AHI1: variants seen among roughly 807,000 people sequenced by gnomAD.
AHI1 encodes the protein Abelson helper integration site 1, also known as jouberin.
A neutral mutation model predicts 149.3 loss-of-function variants in AHI1; 123 were observed. The observed-to-expected ratio is 0.82, with a 90% CI of 0.71 to 0.96. The LOEUF is 0.96. Ranked by LOEUF, AHI1 falls within the 40% of genes least tolerant of loss-of-function variation. AHI1 has a pLI of 0.00. For synonymous variants in AHI1, 475 were observed against 459.8 expected, an observed-to-expected ratio of 1.03 and a Z score of -0.42; for missense variants, 1,439 against 1,422.7, an observed-to-expected ratio of 1.01 and a Z score of -0.18.
intron 23 of AHI1, among the ~76,000 whole-genome samples, chr6:135,391,284 C>G (rs1778443132): frequency 6.6e-6 from 1 of 152,078 alleles, no homozygotes; most frequent in Admixed American, 6.6e-5. Context: ...TTTTTGGCAC[C>G]AGGGACCAGG....
In AHI1 at chr6:135,285,643, C is replaced by A; in HGVS notation, c.*2G>T. ...GGCAGCTCTTAACTTTTCTTCAATT[C>A]TTTACTGGAAAGAAAAATACACAAA... On this transcript the variant is annotated 3_prime_UTR_variant, in exon 29 of 29. Transcript: ENST00000265602. The A allele has an allele frequency of 6.2e-7, 1 of 1,606,704 alleles. No homozygotes were observed.
At chr6:135,486,285 C>T (rs75169529) in intron 5 of AHI1, among the ~76,000 whole-genome samples, 6,582 of 152,158 alleles carry the variant, frequency 0.043, 253 homozygotes, top group South Asian at 0.11. Context: ...ACATAATATA[C>T]CATGTATACT....
intron 24 of AHI1, among the ~76,000 whole-genome samples, chr6:135,333,143 A>C (rs17064430): frequency 0.013 from 2,011 of 152,316 alleles, 45 homozygotes; most frequent in African/African-American, 0.046. Context: ...TGGTACAATT[A>C]TTACCATTTA....
intron 8 of AHI1, among the ~76,000 whole-genome samples, chr6:135,462,553 C>T (rs577150690): frequency 6.6e-6 from 1 of 152,142 alleles, no homozygotes; most frequent in East Asian, 1.9e-4. Flanking sequence ...CCTCTATGAC[C>T]CAATAGCAAC....
At chr6:135,482,484 T>C (rs1793814251) in intron 5 of AHI1, among the ~76,000 whole-genome samples, 1 of 152,136 alleles carries the variant, frequency 6.6e-6, no homozygotes, top group South Asian at 2.1e-4. Flanking sequence ...TTTTTTTGTT[T>C]GTTTGATTTG....
At position 135,284,264 on chromosome 6, in the gene AHI1, A is replaced by G. The variant is rs1781485316; in HGVS notation, c.*1381T>C. The G allele has an allele frequency of 6.6e-6, 1 of 152,224 alleles. No homozygotes were observed. The highest frequency in any genetic ancestry group is 1.9e-4 in the East Asian group (1 of 5,206). The allele number at this position is 152,224 out of a possible 1,614,324, so 9.4% of individuals were successfully genotyped here. A position where few individuals can be genotyped will look rare whatever the true frequency, so the allele number is the denominator to read the frequency against. On this transcript the variant is annotated 3_prime_UTR_variant, in exon 29 of 29. Transcript: ENST00000265602. ...CATGTTTACCAATTTTTATGCCTCT[A>G]CATGTGCAGGGATAAGAGCCAAATA... is the stretch of plus-strand genomic sequence containing the variant.
At chr6:135,424,474 T>C (rs1360017516) in intron 20 of AHI1, among the ~76,000 whole-genome samples, 1 of 152,036 alleles carries the variant, frequency 6.6e-6, no homozygotes, top group East Asian at 1.9e-4. Flanking sequence ...TAGTACTCTG[T>C]TATTATGGGA....
chr6:135,446,130 T>C (rs1367145384), intron 13 of AHI1, among the ~76,000 whole-genome samples: 3 of 152,100 alleles, frequency 2.0e-5, no homozygotes, highest in Admixed American at 2.0e-4. Context: ...ACTGCTGTTA[T>C]AGGCTGAATT....
At chr6:135,374,071 T>C (rs1292632264) in intron 23 of AHI1, among the ~76,000 whole-genome samples, 2 of 125,034 alleles carry the variant, frequency 1.6e-5, no homozygotes, top group Non-Finnish European at 3.3e-5. Flanking sequence ...TTTCTGCTAG[T>C]TTATATATAC....
intron 24 of AHI1, among the ~76,000 whole-genome samples, chr6:135,351,222 C>T (rs901003840): frequency 6.6e-6 from 1 of 151,926 alleles, no homozygotes; most frequent in Admixed American, 6.6e-5. Context: ...TTCCTTGTTC[C>T]TGATCTCCTT....
chr6:135,415,345 T>G lies in AHI1; in HGVS notation c.2765-3801A>C, dbSNP rs929134998. Among the ~76,000 whole-genome samples, 19 of 152,238 alleles carry G rather than the reference T, an allele frequency of 1.2e-4. No homozygotes were observed. In the South Asian group the frequency reaches 2.1e-3, roughly 17 times the overall value. ...TATATACCCAGTAATGGGATGGCTG[T>G]GTCAAATGGTATTTCTAGTTCTAGA... On this transcript the variant is annotated intron_variant, in intron 20 of 28. Coordinates refer to ENST00000265602, the MANE Select transcript of AHI1 (RefSeq NM_001134831.2).
At chr6:135,472,014 G>A (rs1407036693) in intron 5 of AHI1, among the ~76,000 whole-genome samples, 3 of 27,786 alleles carry the variant, frequency 1.1e-4, no homozygotes, top group African/African-American at 1.4e-4. Context: ...GCGAGACTCC[G>A]TCTCAAAAAA....
chr6:135,473,402 A>G (rs1194264531), intron 5 of AHI1, among the ~76,000 whole-genome samples: 1 of 152,132 alleles, frequency 6.6e-6, no homozygotes, highest in African/African-American at 2.4e-5. Flanking sequence ...GTTCCTTTTC[A>G]AAATTGTTTT....
chr6:135,297,603 T>A (rs1783273143), intron 27 of AHI1: 1 of 442,046 alleles, frequency 2.3e-6, no homozygotes, highest in Non-Finnish European at 4.5e-6. Flanking sequence ...TTCTTTAATA[T>A]CTCTCAATGC....
intron 26 of AHI1, chr6:135,301,991 A>C: frequency 2.0e-6 from 2 of 984,216 alleles, no homozygotes; most frequent in Non-Finnish European, 2.4e-6. Flanking sequence ...GAAATGTTTT[A>C]TTCTTTTCTT....
chr6:135,324,058 G>A (rs1032840955), intron 24 of AHI1, among the ~76,000 whole-genome samples: 7 of 152,214 alleles, frequency 4.6e-5, no homozygotes, highest in African/African-American at 1.2e-4. Flanking sequence ...GGTGGCTCAT[G>A]CCTGTAGTCT....
intron 23 of AHI1, among the ~76,000 whole-genome samples, chr6:135,386,600 G>A (rs147949834): frequency 3.8e-4 from 57 of 151,726 alleles, no homozygotes; most frequent in African/African-American, 1.4e-3. Context: ...GTGAGCCACC[G>A]TGCCTGGCCT....
chr6:135,460,884 C>T (rs922650214), intron 8 of AHI1, among the ~76,000 whole-genome samples: 8 of 152,158 alleles, frequency 5.3e-5, no homozygotes, highest in African/African-American at 1.9e-4. Flanking sequence ...ACATGGATAT[C>T]TTGATCACTG....
intron 22 of AHI1, among the ~76,000 whole-genome samples, chr6:135,396,222 T>C (rs1470512110): frequency 6.6e-6 from 1 of 151,770 alleles, no homozygotes; most frequent in Non-Finnish European, 1.5e-5. Flanking sequence ...AGTCCTAAAA[T>C]ATCACCCAGC....
Sources: allele counts gnomAD v4.1 joint callset (sites outside exome capture counted in the v4.1 genomes callset), GRCh38; gene constraint gnomAD v4.1.1; transcripts MANE v1.5; gene names NCBI Gene and HGNC (gene_info 2026-07-23, HGNC 2026-07-21).